The following MAGI2 variants were observed in gnomAD, a reference collection of about 807,000 sequenced individuals.
MAGI2 encodes the protein membrane associated guanylate kinase, WW and PDZ domain containing 2.
In MAGI2, 35 loss-of-function variants were observed where a neutral mutation model predicts 133.3. The ratio of observed to expected loss-of-function variants is 0.26; its 90% CI spans 0.20 to 0.35. The LOEUF (loss-of-function observed/expected upper bound fraction) is 0.35. MAGI2 is among the 10% of genes least tolerant of loss of function. The pLI is 1.00. For missense variants in MAGI2, 1,636 were observed against 1,863.4 expected (o/e 0.88, Z 2.25); for synonymous variants, 729 against 710.6 (o/e 1.03, Z -0.41).
At chr7:79,134,995 G>A (rs1410583998) in intron 1 of MAGI2, among the ~76,000 whole-genome samples, 3 of 152,092 alleles carry the variant, frequency 2.0e-5, no homozygotes, top group Non-Finnish European at 4.4e-5. Context: ...GGGTTGGCTG[G>A]GTAAGAATAG....
At chr7:79,437,560 A>C (rs747972627) in intron 1 of MAGI2, among the ~76,000 whole-genome samples, 8 of 152,252 alleles carry the variant, frequency 5.3e-5, no homozygotes, top group Non-Finnish European at 8.8e-5. Context: ...ACTCATTACA[A>C]ACATAGTACT....
chr7:78,638,254 G>A (rs957956060), intron 2 of MAGI2, among the ~76,000 whole-genome samples: 1 of 152,080 alleles, frequency 6.6e-6, no homozygotes, highest in African/African-American at 2.4e-5. Context: ...ATTACCAACA[G>A]TACCAAGATT....
intron 2 of MAGI2, among the ~76,000 whole-genome samples, chr7:78,711,529 C>G (rs1280676072): frequency 1.3e-5 from 2 of 151,906 alleles, no homozygotes; most frequent in African/African-American, 4.8e-5. Flanking sequence ...CTTTTTTCCC[C>G]TTAGAGCCAT....
rs1796469978 is a variant in MAGI2 at position 78,289,412 on chromosome 7, TA to T, written c.1409-32832del. Among the ~76,000 whole-genome samples the T allele has an allele frequency of 6.0e-5, 9 of 149,590 alleles. No homozygotes were observed. In the South Asian group the frequency reaches 1.9e-3, roughly 31 times the overall value. ...GAGAAGAGAAGTTTAGAGAAAAAAG[TA>T]AAAAATGAACAAAGCCTCCAAGAAA... On this transcript the variant is annotated intron_variant, in intron 9 of 21. Transcript: ENST00000354212.
intron 7 of MAGI2, among the ~76,000 whole-genome samples, chr7:78,366,759 T>C (rs1793422194): frequency 6.6e-6 from 1 of 152,194 alleles, no homozygotes. Context: ...ACATTGTCTT[T>C]AAGTTTGAAT....
intron 10 of MAGI2, among the ~76,000 whole-genome samples, chr7:78,202,067 C>CAT (rs1829303025): frequency 2.0e-5 from 3 of 152,162 alleles, no homozygotes. Context: ...TAATTGAGCA[C>CAT]ATAGAACAAA....
intron 21 of MAGI2, chr7:78,065,702 A>G: frequency 1.7e-6 from 1 of 604,410 alleles, no homozygotes; most frequent in Non-Finnish European, 2.9e-6. Flanking sequence ...CAATCATTAG[A>G]ATTAACAGAA....
At chr7:78,800,304 G>A (rs902146203) in intron 2 of MAGI2, among the ~76,000 whole-genome samples, 2 of 152,118 alleles carry the variant, frequency 1.3e-5, no homozygotes, top group African/African-American at 2.4e-5. Flanking sequence ...GGCATGAGGG[G>A]TGATGTAGGA....
intron 2 of MAGI2, among the ~76,000 whole-genome samples, chr7:78,652,624 A>C (rs897165643): frequency 6.6e-6 from 1 of 152,174 alleles, no homozygotes; most frequent in African/African-American, 2.4e-5. Flanking sequence ...AAATTAACTC[A>C]AGATCAAATT....
chr7:78,546,733 TA>T (rs1798878868), intron 3 of MAGI2, among the ~76,000 whole-genome samples: 2 of 152,030 alleles, frequency 1.3e-5, no homozygotes, highest in Non-Finnish European at 2.9e-5. Context: ...GGATTAGGAG[TA>T]TAACCTATGG....
chr7:79,353,641 T>C (rs993169248), intron 1 of MAGI2: 4 of 373,428 alleles, frequency 1.1e-5, no homozygotes, highest in East Asian at 7.3e-5. Context: ...ACAGCTGAGA[T>C]TGGGGGTGAG....
At chr7:79,042,067 C>A (rs924081731) in intron 1 of MAGI2, among the ~76,000 whole-genome samples, 3 of 152,122 alleles carry the variant, frequency 2.0e-5, no homozygotes, top group African/African-American at 7.2e-5. Flanking sequence ...AAGGCATAGA[C>A]TGGGAGAAAA....
At chr7:79,153,537 T>A (rs1382283201) in intron 1 of MAGI2, among the ~76,000 whole-genome samples, 1 of 152,084 alleles carries the variant, frequency 6.6e-6, no homozygotes, top group African/African-American at 2.4e-5. Context: ...AACTCTGAAA[T>A]GAGACCTAAG....
At chr7:78,382,269 C>T (rs746136464) in intron 6 of MAGI2, among the ~76,000 whole-genome samples, 8 of 151,732 alleles carry the variant, frequency 5.3e-5, no homozygotes, top group African/African-American at 1.2e-4. Flanking sequence ...TATGAACAGA[C>T]GAGTGGGAGA....
At position 78,654,632 on chromosome 7, in the gene MAGI2, G is replaced by A. The variant is rs117086670; in HGVS notation, c.419-27393C>T. ...TGTTACTAGCCCATAGCCCCATTTC[G>A]AGTTAATACAATTTTAATTGTTTAC... On this transcript the variant is annotated intron_variant, in intron 2 of 21. Coordinates refer to ENST00000354212, the MANE Select transcript of MAGI2 (RefSeq NM_012301.4). Among the ~76,000 whole-genome samples, 398 of 147,242 alleles carry A rather than the reference G, an allele frequency of 2.7e-3. 3 individuals carry two copies. Among genetic ancestry groups the A allele is most frequent in the Non-Finnish European group, 4.8e-3 (322 of 67,014 alleles).
intron 10 of MAGI2, chr7:78,252,797 C>G (rs1792548618): frequency 6.6e-6 from 1 of 151,946 alleles, no homozygotes; most frequent in African/African-American, 2.4e-5. Flanking sequence ...AAAAATTAGC[C>G]AGATGTGGTG....
rs796115068 is a variant in MAGI2, at chr7:78,074,498, TA to T, written c.3706+4448del. Among the ~76,000 whole-genome samples the T allele has an allele frequency of 9.6e-3, 1,441 of 150,246 alleles. 10 individuals carry two copies. Among genetic ancestry groups the T allele is most frequent in the Middle Eastern group, 0.021 (6 of 292 alleles). ...TTGAAATCCTTCCACAGGGAGTGGT[TA>T]AAAAAAAAATCGGTTTTCCCATGAT... On this transcript the variant is annotated intron_variant, in intron 21 of 21. Coordinates refer to ENST00000354212, the MANE Select transcript of MAGI2 (RefSeq NM_012301.4).
intron 9 of MAGI2, among the ~76,000 whole-genome samples, chr7:78,303,494 G>A (rs1798015989): frequency 6.7e-6 from 1 of 150,358 alleles, no homozygotes; most frequent in South Asian, 2.1e-4. Context: ...CTCTCTGCAT[G>A]CTCCCTCCCA....
At chr7:78,027,975 G>A (rs1244344934) in intron 21 of MAGI2, among the ~76,000 whole-genome samples, 1 of 152,144 alleles carries the variant, frequency 6.6e-6, no homozygotes, top group Non-Finnish European at 1.5e-5. Flanking sequence ...TTTTAATTTA[G>A]AATATTATGG....
Sources: gnomAD v4.1 joint callset for allele counts (sites outside exome capture counted in the v4.1 genomes callset) on GRCh38, gnomAD v4.1.1 for gene constraint, MANE v1.5 for transcripts, NCBI Gene and HGNC (gene_info 2026-07-23, HGNC 2026-07-21) for gene names.